The following DIP2A variants were observed in gnomAD, a reference collection of about 807,000 sequenced individuals.
The protein encoded by DIP2A is disco-interacting protein 2 homolog A.
A neutral mutation model predicts 177.4 loss-of-function variants in DIP2A; 85 were observed. The ratio of observed to expected loss-of-function variants is 0.48; its 90% confidence interval spans 0.40 to 0.57. The LOEUF (loss-of-function observed/expected upper bound fraction) is 0.57. DIP2A is among the 20% of genes least tolerant of loss of function. DIP2A has a pLI of 0.00. For missense variants in DIP2A, 1,791 were observed against 2,100.2 expected, an observed-to-expected ratio of 0.85 and a Z score of 2.88; for synonymous variants, 886 against 881.8, an observed-to-expected ratio of 1.00 and a Z score of -0.08.
rs745513278 is a variant in DIP2A, at chr21:46,554,943, C to T, written c.3388+10C>T. 174 of 1,549,834 alleles carry T rather than the reference C, an allele frequency of 1.1e-4. 2 individuals carry two copies. In the Middle Eastern group the frequency reaches 1.3e-3, roughly 12 times the overall value. ...ACCATCCTAGACACAGGTGCGTGTC[C>T]TCGCACTGCCCAGGACCAGTCCCTT... On this transcript the variant is annotated intron_variant, in intron 28 of 37. Transcript: ENST00000417564.
chr21:46,463,908 C>A (rs2054566427), intron 1 of DIP2A, among the ~76,000 whole-genome samples: 1 of 151,466 alleles, frequency 6.6e-6, no homozygotes, highest in African/African-American at 2.4e-5. Flanking sequence ...CAGGATTTCA[C>A]CATATTGGCC....
intron 8 of DIP2A, among the ~76,000 whole-genome samples, chr21:46,517,028 G>A (rs2058612761): frequency 7.7e-6 from 1 of 129,432 alleles, no homozygotes; most frequent in Non-Finnish European, 1.7e-5. Context: ...CTTTGGGTCT[G>A]TTGCTCTTGT....
At position 46,554,274 on chromosome 21, in the gene DIP2A, G is replaced by A; in HGVS notation, c.3136G>A (p.Ala1046Thr). The change falls in exon 26 of 38, where the codon GCT becomes ACT. Residue 1046 changes from alanine to threonine, a missense_variant. By Grantham distance (58) the Ala-to-Thr change is moderately conservative. Transcript: ENST00000417564. ...KGRLSVGDHV[A>T]LVYPPGVDLI... is the part of the protein sequence containing the mutation. ...AAGACTGAGTGTTGGGGACCATGTG[G>A]CTCTGGTCTACCCACCAGGTGGGCT... is the stretch of plus-strand genomic sequence containing the variant. 6.2e-7 allele frequency: 1 copy of A among 1,613,934 alleles called. No individual in the cohort carries two copies. The highest frequency in any genetic ancestry group is 8.5e-7 in the Non-Finnish European group (1 of 1,179,864).
intron 1 of DIP2A, among the ~76,000 whole-genome samples, chr21:46,477,545 G>T (rs73148706): frequency 1.7e-3 from 77 of 44,458 alleles, no homozygotes; most frequent in South Asian, 8.1e-3. Flanking sequence ...AAAAAGATTT[G>T]TGTGTGTGTG....
intron 3 of DIP2A, among the ~76,000 whole-genome samples, chr21:46,494,610 A>G (rs1211176213): frequency 6.6e-6 from 1 of 152,250 alleles, no homozygotes; most frequent in Non-Finnish European, 1.5e-5. Flanking sequence ...AAAGAAAGTC[A>G]AGATGAATAT....
rs1294461201 is a variant in DIP2A at position 46,459,362 on chromosome 21, C to T, written c.91+140C>T. On this transcript the variant is annotated intron_variant, in intron 1 of 37. Coordinates refer to ENST00000417564, the MANE Select transcript of DIP2A (RefSeq NM_015151.4). The stretch of plus-strand genomic sequence containing the variant: ...CCCCGGGACCCCCACGCGGCCTCGC[C>T]CCTGGGACCTCTGCCCCTCAACGGG... 6.3e-6 allele frequency: 4 copies of T among 631,758 alleles called. No individual in the cohort carries two copies. The Admixed American group carries it at 1.3e-4, about 20-fold the overall frequency. 39.1% of individuals were successfully genotyped at this position (631,758 alleles called of 1,614,324 possible).
chr21:46,547,650 G>A (rs111661507), intron 21 of DIP2A, among the ~76,000 whole-genome samples: 2,379 of 145,526 alleles, frequency 0.016, 32 homozygotes, highest in Non-Finnish European at 0.025. Flanking sequence ...TTTCTCAAGG[G>A]GGTGCCTTTT....
At chr21:46,472,368 A>G (rs778742265) in intron 1 of DIP2A, among the ~76,000 whole-genome samples, 23 of 152,324 alleles carry the variant, frequency 1.5e-4, no homozygotes, top group Non-Finnish European at 2.9e-4. Context: ...ACGGACACTC[A>G]GTGTGTCATC....
At chr21:46,559,738 T>G (rs1055845552) in intron 32 of DIP2A, among the ~76,000 whole-genome samples, 1 of 152,256 alleles carries the variant, frequency 6.6e-6, no homozygotes, top group Non-Finnish European at 1.5e-5. Context: ...TTGCTCTCTC[T>G]TTCCCTGTGT....
chr21:46,559,405 T>G (rs1048046371), intron 32 of DIP2A, among the ~76,000 whole-genome samples: 5 of 152,250 alleles, frequency 3.3e-5, no homozygotes, highest in African/African-American at 4.8e-5. Flanking sequence ...TGCTTGGCCT[T>G]GTGCCTCCCC....
rs368468937 is a variant in DIP2A at position 46,565,798 on chromosome 21, G to T, written c.4250G>T (p.Arg1417Leu). ...CTTCATGCCGACCACTTCAGTGCCC[G>T]GCTGAGTTTTGGAGACACACAGACC... ...EALHADHFSARLSFGDTQTIW... is the reference protein window; with the variant it reads ...EALHADHFSALLSFGDTQTIW... The change falls in exon 36 of 38, where the codon CGG (arginine) becomes CTG (leucine). Residue 1417 changes from arginine (R) to leucine (L), a missense_variant. Coordinates refer to ENST00000417564, the MANE Select transcript of DIP2A (RefSeq NM_015151.4). 3 of 1,613,962 alleles carry T rather than the reference G, an allele frequency of 1.9e-6. No individual in the cohort carries two copies. The highest frequency in any genetic ancestry group is 2.5e-6 in the Non-Finnish European group (3 of 1,179,892).
intron 3 of DIP2A, among the ~76,000 whole-genome samples, chr21:46,493,832 C>T (rs750419101): frequency 9.2e-5 from 14 of 152,236 alleles, no homozygotes; most frequent in Non-Finnish European, 1.5e-4. Context: ...AAAATTGAAG[C>T]GTCTACAAAA....
At chr21:46,578,035 T>C in the DIP2A span, among the ~76,000 whole-genome samples, 1 of 152,194 alleles carries the variant, frequency 6.6e-6, no homozygotes, top group Admixed American at 6.5e-5. Context: ...TTTTGGAGGC[T>C]GGGCGTGGTG....
At chr21:46,514,041 T>C (rs73372087) in intron 8 of DIP2A, among the ~76,000 whole-genome samples, 2,966 of 152,306 alleles carry the variant, frequency 0.019, 111 homozygotes, top group African/African-American at 0.068. Context: ...GAGCACCTTT[T>C]ATTAGATTTA....
intron 23 of DIP2A, 75 bp downstream of exon 23, chr21:46,550,819 C>A (rs1013845536): frequency 1.4e-6 from 2 of 1,445,552 alleles, no homozygotes; most frequent in Non-Finnish European, 1.9e-6. Flanking sequence ...AGGGTGCGGC[C>A]CTGCTAGACC....
chr21:46,468,261 C>CAA (rs1207842729), intron 1 of DIP2A, among the ~76,000 whole-genome samples: 18,155 of 87,486 alleles, frequency 0.21, 2,662 homozygotes, highest in East Asian at 0.35. Flanking sequence ...GAGACTGTCT[C>CAA]AAAAAAAAAA....
chr21:46,497,076 G>C lies in DIP2A; in HGVS notation c.372G>C (p.Val124=), dbSNP rs1354241720. The C allele has an allele frequency of 1.9e-6, 3 of 1,613,876 alleles. No individual in the cohort carries two copies. The highest frequency in any genetic ancestry group is 2.5e-6 in the Non-Finnish European group (3 of 1,179,858). ...CTTCGAAGAGACGTTCTGTCCTTGT[G>C]CATTCGTCTGTGGAAACCTACACCC... is the stretch of plus-strand genomic sequence containing the variant. ...PMPSKRRSVL[V]HSSVETYTPP... Residue 124 remains valine (V), a synonymous_variant, in exon 4 of 38, where the codon GTG becomes GTC. Coordinates refer to ENST00000417564, the MANE Select transcript of DIP2A (RefSeq NM_015151.4).
rs372892086 is a variant in DIP2A, at chr21:46,549,901, C to T, written c.2637+16C>T. 75 of 1,608,376 alleles carry T rather than the reference C, an allele frequency of 4.7e-5. No individual in the cohort carries two copies. Among genetic ancestry groups the T allele is most frequent in the East Asian group, 4.5e-5 (2 of 44,878 alleles). On this transcript the variant is annotated intron_variant, in intron 22 of 37. Coordinates refer to ENST00000417564, the MANE Select transcript of DIP2A (RefSeq NM_015151.4). ...TGTGCTGCAGGTGGGCGCCCCGGCA[C>T]GGCCTATGGTTCGGTGAATCTCCCA...
intron 15 of DIP2A, among the ~76,000 whole-genome samples, chr21:46,538,173 C>T (rs970017585): frequency 2.6e-5 from 4 of 151,978 alleles, no homozygotes; most frequent in Non-Finnish European, 5.9e-5. Context: ...TGGGGAAGGA[C>T]AACATGAGAT....
Sources: gnomAD v4.1 joint callset for allele counts (sites outside exome capture counted in the v4.1 genomes callset) on GRCh38, gnomAD v4.1.1 for gene constraint, MANE v1.5 for transcripts, NCBI Gene and HGNC (gene_info 2026-07-23, HGNC 2026-07-21) for gene names.